ACP3: variants seen among roughly 807,000 people sequenced by gnomAD.
ACP3 encodes the protein acid phosphatase 3, also known as prostatic acid phosphatase.
A neutral mutation model predicts 45.6 loss-of-function variants in ACP3; 38 were observed. The ratio of observed to expected loss-of-function variants is 0.83; its 90% CI spans 0.64 to 1.09. The LOEUF (loss-of-function observed/expected upper bound fraction) is 1.09, where lower values mean the gene tolerates loss of function less well. Ranked by LOEUF, ACP3 falls within the 50% of genes least tolerant of loss-of-function variation. The probability of loss-of-function intolerance (pLI) is 0.00; values close to 1 mark genes in which losing one functional copy is unlikely to be tolerated. For missense variants in ACP3, 466 were observed against 463.2 expected (o/e 1.01, Z -0.05); for synonymous variants, 162 against 164.7 (o/e 0.98, Z 0.13).
intron 2 of ACP3, 85 bp from the exon 3 acceptor site, chr3:132,331,562 G>T (rs1937398310): frequency 1.0e-6 from 1 of 985,182 alleles, no homozygotes. Context: ...CACACATAAT[G>T]AAAAAAAAAA....
chr3:132,343,738 A>G (rs946572681), intron 6 of ACP3, among the ~76,000 whole-genome samples: 5 of 152,182 alleles, frequency 3.3e-5, no homozygotes, highest in Admixed American at 2.6e-4. Flanking sequence ...GGTAATAAAT[A>G]TTGGCACAAG....
Position 132,358,266 on chromosome 3 carries a change from C to T in ACP3, c.*1388C>T, listed in dbSNP as rs1937962540. The T allele has an allele frequency of 1.3e-5, 15 of 1,115,130 alleles. No individual in the cohort carries two copies. Among genetic ancestry groups the T allele is most frequent in the Non-Finnish European group, 1.7e-5 (15 of 900,152 alleles). 69.1% of individuals were successfully genotyped at this position (1,115,130 alleles called of 1,614,324 possible). ...GGAAGGGACACATATCAAACTGAAA[C>T]AAAATTAGAAATGTAATTATGTTCT... On this transcript the variant is annotated 3_prime_UTR_variant, in exon 10 of 10. Transcript: ENST00000336375.
At chr3:132,322,131 GAACCCAGGTCTAACCAACTGAA>G in intron 1 of ACP3, among the ~76,000 whole-genome samples, 1 of 152,296 alleles carries the variant, frequency 6.6e-6, no homozygotes, top group East Asian at 1.9e-4. Context: ...GCAGGAGTTT[GAACCCAGGTCTAACCAACTGAA>G]AACCCAGACC....
chr3:132,330,288 T>G (rs1373678097), intron 2 of ACP3, among the ~76,000 whole-genome samples: 5 of 152,126 alleles, frequency 3.3e-5, no homozygotes, highest in African/African-American at 1.2e-4. Flanking sequence ...TAGGTACTTT[T>G]AATCTGCCTT....
intron 3 of ACP3, 120 bp from the exon 4 acceptor site, chr3:132,332,072 A>G: frequency 8.7e-7 from 1 of 1,144,628 alleles, no homozygotes; most frequent in Non-Finnish European, 1.3e-6. Context: ...TGATGTTAGC[A>G]CAATGTCTGT....
At chr3:132,354,431 C>A (rs1351232202) in intron 9 of ACP3, among the ~76,000 whole-genome samples, 1 of 152,130 alleles carries the variant, frequency 6.6e-6, no homozygotes, top group Non-Finnish European at 1.5e-5. Flanking sequence ...CAGTGACATA[C>A]AGAAAAAATT....
chr3:132,352,442 C>T (rs1219596338), intron 8 of ACP3, among the ~76,000 whole-genome samples: 2 of 151,910 alleles, frequency 1.3e-5, no homozygotes, highest in Non-Finnish European at 2.9e-5. Flanking sequence ...AAGTGATCCA[C>T]CTGCCTCGGG....
chr3:132,364,515 G>A (rs776651760), intron 10 of ACP3, among the ~76,000 whole-genome samples: 2 of 152,226 alleles, frequency 1.3e-5, no homozygotes, highest in African/African-American at 2.4e-5. Flanking sequence ...TTGCAGGTCA[G>A]CTCAATTCTT....
At chr3:132,345,143 T>C (rs1937595470) in intron 7 of ACP3, 84 bp downstream of exon 7, 1 of 1,293,652 alleles carries the variant, frequency 7.7e-7, no homozygotes, top group South Asian at 1.3e-5. Context: ...TAATCAACTG[T>C]GTGATCTCAG....
At chr3:132,345,849 G>T (rs1409835043) in intron 7 of ACP3, among the ~76,000 whole-genome samples, 1 of 152,202 alleles carries the variant, frequency 6.6e-6, no homozygotes, top group Non-Finnish European at 1.5e-5. Flanking sequence ...TGGGGCTTAT[G>T]AGAGAAACTG....
At chr3:132,319,565 A>G (rs760860502) in intron 1 of ACP3, among the ~76,000 whole-genome samples, 54 of 152,232 alleles carry the variant, frequency 3.5e-4, no homozygotes, top group Non-Finnish European at 1.9e-4. Context: ...GTCCCATGCA[A>G]TATTTGGGCA....
intron 5 of ACP3, among the ~76,000 whole-genome samples, chr3:132,338,469 C>T (rs540706501): frequency 6.6e-6 from 1 of 152,152 alleles, no homozygotes; most frequent in African/African-American, 2.4e-5. Flanking sequence ...TTTTTACAAA[C>T]AGCATGTATG....
downstream of ACP3, among the ~76,000 whole-genome samples, chr3:132,359,799 A>G (rs896987148): frequency 1.3e-5 from 2 of 152,232 alleles, no homozygotes; most frequent in African/African-American, 4.8e-5. Flanking sequence ...GCCCGCTCAT[A>G]CAGATCTCAA....
In ACP3 at chr3:132,336,342, A is replaced by G. The variant is rs79086560; in HGVS notation, c.457-1114A>G. 2.4e-4 allele frequency among the ~76,000 whole-genome samples: 37 copies of G among 152,312 alleles called. 1 individual carries two copies. In the East Asian group the frequency reaches 7.1e-3, roughly 29 times the overall value. ...AGGATGGCTGAAAGAGTGAACACTGATTTACCAAATAGGAAGTTCTCACAG... is the reference window on the plus strand; with the variant it reads ...AGGATGGCTGAAAGAGTGAACACTGGTTTACCAAATAGGAAGTTCTCACAG... On this transcript the variant is annotated intron_variant, in intron 4 of 9. Coordinates refer to ENST00000336375, the MANE Select transcript of ACP3 (RefSeq NM_001099.5).
At chr3:132,348,310 A>T (rs1187058468) in intron 7 of ACP3, among the ~76,000 whole-genome samples, 1 of 152,152 alleles carries the variant, frequency 6.6e-6, no homozygotes, top group African/African-American at 2.4e-5. Flanking sequence ...AATGATTACA[A>T]ATAAAGGTTT....
Position 132,337,567 on chromosome 3 carries a change from T to G in ACP3, c.555+13T>G. 6.5e-7 allele frequency: 1 copy of G among 1,546,154 alleles called. No homozygotes were observed. Among genetic ancestry groups the G allele is most frequent in the Non-Finnish European group, 8.9e-7 (1 of 1,124,474 alleles). On this transcript the variant is annotated intron_variant, in intron 5 of 9. Coordinates refer to ENST00000336375, the MANE Select transcript of ACP3 (RefSeq NM_001099.5). ...GCACCCTTATAAGGTTAAAAGCTAG[T>G]TTTGTTTAGTGGTACTTGTTAGTTT...
At chr3:132,362,998 T>G (rs949982754), downstream of ACP3, among the ~76,000 whole-genome samples, 1 of 152,214 alleles carries the variant, frequency 6.6e-6, no homozygotes, top group Non-Finnish European at 1.5e-5. Flanking sequence ...TAAGATACAA[T>G]TAATCATGCT....
intron 7 of ACP3, among the ~76,000 whole-genome samples, chr3:132,348,372 A>G (rs1465348563): frequency 6.6e-6 from 1 of 152,084 alleles, no homozygotes; most frequent in Admixed American, 6.5e-5. Flanking sequence ...TGCAAGTTGT[A>G]TAATCTAATC....
intron 1 of ACP3, among the ~76,000 whole-genome samples, chr3:132,319,034 G>A (rs531773332): frequency 6.6e-6 from 1 of 152,256 alleles, no homozygotes; most frequent in East Asian, 1.9e-4. Context: ...CTTTCCTGAG[G>A]AAAGCCAAAA....
Sources: allele counts gnomAD v4.1 joint callset (sites outside exome capture counted in the v4.1 genomes callset), GRCh38; gene constraint gnomAD v4.1.1; transcripts MANE v1.5; gene names NCBI Gene and HGNC (gene_info 2026-07-23, HGNC 2026-07-21).